CLASP2: variants seen among roughly 807,000 people sequenced by gnomAD.
CLASP2 encodes the protein CLIP-associating protein 2.
CLASP2 carries 47 observed loss-of-function variants against 194.4 expected under a neutral mutation model. The observed-to-expected ratio is 0.24, with a 90% CI of 0.19 to 0.31. CLASP2 has a LOEUF of 0.31. CLASP2 is among the 10% of genes least tolerant of loss of function. The probability of loss-of-function intolerance (pLI) is 1.00; values close to 1 mark genes in which losing one functional copy is unlikely to be tolerated. For missense variants in CLASP2, 1,445 were observed against 1,823.6 expected, an observed-to-expected ratio of 0.79 and a Z score of 3.78; for synonymous variants, 619 against 633.5, an observed-to-expected ratio of 0.98 and a Z score of 0.34.
At chr3:33,618,753 A>G (rs929366289) in intron 12 of CLASP2, among the ~76,000 whole-genome samples, 1 of 152,254 alleles carries the variant, frequency 6.6e-6, no homozygotes, top group Non-Finnish European at 1.5e-5. Flanking sequence ...GGCACAGAAT[A>G]GAAGTTTGGA....
At chr3:33,657,429 T>G (rs765724559) in intron 7 of CLASP2, among the ~76,000 whole-genome samples, 5 of 152,050 alleles carry the variant, frequency 3.3e-5, no homozygotes, top group Admixed American at 1.3e-4. Flanking sequence ...AATTAATATA[T>G]TCCTCAACAG....
At chr3:33,695,220 ATTTTTTT>A (rs762657276) in intron 2 of CLASP2, among the ~76,000 whole-genome samples, 7 of 103,840 alleles carry the variant, frequency 6.7e-5, no homozygotes, top group East Asian at 2.7e-4. Context: ...AAGCCTGCTA[ATTTTTTT>A]TTTTTTTTTT....
chr3:33,642,012 T>A (rs1374910395), intron 8 of CLASP2, among the ~76,000 whole-genome samples: 3 of 151,936 alleles, frequency 2.0e-5, no homozygotes, highest in Non-Finnish European at 4.4e-5. Context: ...AATAGAACAA[T>A]CTTCAAGTAT....
chr3:33,557,355 C>T (rs1306172032), intron 29 of CLASP2, among the ~76,000 whole-genome samples: 6 of 151,730 alleles, frequency 4.0e-5, no homozygotes, highest in Non-Finnish European at 7.4e-5. Flanking sequence ...CTACTTTTTT[C>T]TTTCTTTCCT....
rs371775145 is a variant in CLASP2, at chr3:33,510,570, T to G, written c.4305A>C (p.Pro1435=). 4.4e-5 allele frequency: 71 copies of G among 1,613,766 alleles called. No homozygotes were observed. The highest frequency in any genetic ancestry group is 3.3e-4 in the Middle Eastern group (2 of 6,084). The part of the protein sequence containing the change: ...TLNLLLPEIM[P]GLIQGYDNSE... The stretch of plus-strand genomic sequence containing the variant: ...CTTTGTTGCTTACCTGTATTAGACC[T>G]GGCATAATCTCTGGCAAAAGCAGGT... The change falls in exon 37 of 39, where the codon CCA becomes CCC. Residue 1435 remains proline (P), a synonymous_variant. Transcript: ENST00000682230.
intron 29 of CLASP2, among the ~76,000 whole-genome samples, chr3:33,552,050 T>C (rs751643378): frequency 3.3e-5 from 5 of 151,494 alleles, no homozygotes; most frequent in Non-Finnish European, 5.9e-5. Context: ...CAAAAATGAG[T>C]TATACAAGTA....
intron 12 of CLASP2, among the ~76,000 whole-genome samples, chr3:33,618,107 C>G (rs1215062891): frequency 6.6e-6 from 1 of 151,468 alleles, no homozygotes. Flanking sequence ...CGCCACCATG[C>G]CTGGCTAATT....
At chr3:33,517,254 G>A in intron 34 of CLASP2, 80 bp from the exon 35 acceptor site, 2 of 1,025,838 alleles carry the variant, frequency 1.9e-6, no homozygotes, top group South Asian at 1.9e-5. Context: ...TTTATATGAT[G>A]AAACACAGAT....
chr3:33,588,283 A>G (rs953694126), intron 21 of CLASP2, among the ~76,000 whole-genome samples: 10 of 152,106 alleles, frequency 6.6e-5, no homozygotes, highest in African/African-American at 2.4e-4. Flanking sequence ...CACCAACGCT[A>G]ATTATTTCTT....
chr3:33,499,192 G>A (rs976444972), intron 38 of CLASP2, among the ~76,000 whole-genome samples: 1 of 152,008 alleles, frequency 6.6e-6, no homozygotes, highest in Non-Finnish European at 1.5e-5. Flanking sequence ...TGCCCGCTTC[G>A]CTCTGCAGCT....
At chr3:33,593,782 TG>T (rs2069454460) in intron 20 of CLASP2, among the ~76,000 whole-genome samples, 1 of 152,230 alleles carries the variant, frequency 6.6e-6, no homozygotes, top group African/African-American at 2.4e-5. Flanking sequence ...AATGAGAGTA[TG>T]TTAAGTATTT....
chr3:33,571,357 G>A lies in CLASP2; in HGVS notation c.2700-567C>T, dbSNP rs564842705. Among the ~76,000 whole-genome samples, 210 of 151,886 alleles carry A rather than the reference G, an allele frequency of 1.4e-3. 1 individual carries two copies. The highest frequency in any genetic ancestry group is 4.6e-3 in the African/African-American group (189 of 41,482). On this transcript the variant is annotated intron_variant, in intron 25 of 38. Coordinates refer to ENST00000682230, the MANE Select transcript of CLASP2 (RefSeq NM_001365631.1). ...CAAAACAGCTGCAATGGTCGGGCAC[G>A]GTGGTTCATGTCTGTAATCCCAGCA...
At position 33,584,772 on chromosome 3, in the gene CLASP2, A is replaced by G. The variant is rs1390253635; in HGVS notation, c.2217T>C (p.Ala739=). 6.2e-7 allele frequency: 1 copy of G among 1,610,056 alleles called. No individual in the cohort carries two copies. Among genetic ancestry groups the G allele is most frequent in the South Asian group, 1.1e-5 (1 of 90,484 alleles). ...TACCCACTGAAAGCCTAGATGGACT[A>G]GCCTCTCTGCTACAGCCCTGGCTCC... The part of the protein sequence containing the change: ...IPRSQGCSRE[A]SPSRLSVARS... The change falls in exon 22 of 39, where the codon GCT becomes GCC. Residue 739 remains alanine (A), a synonymous_variant. Coordinates refer to ENST00000682230, the MANE Select transcript of CLASP2 (RefSeq NM_001365631.1).
At chr3:33,653,688 TAGTCCAGC>T (rs1171357829) in intron 7 of CLASP2, among the ~76,000 whole-genome samples, 2 of 152,280 alleles carry the variant, frequency 1.3e-5, no homozygotes, top group Non-Finnish European at 2.9e-5. Flanking sequence ...ACACACATCT[TAGTCCAGC>T]AGGATAGCAG....
rs1201726149 is a variant in CLASP2 at position 33,511,921 on chromosome 3, G to A, written c.4111-1157C>T. On this transcript the variant is annotated intron_variant, in intron 36 of 38. Coordinates refer to ENST00000682230, the MANE Select transcript of CLASP2 (RefSeq NM_001365631.1). ...GTCAGGAAACAACAGGTGCTGGAGAGGATGTGGAGAAATAGGAACACTTTT... is the reference window on the plus strand; with the variant it reads ...GTCAGGAAACAACAGGTGCTGGAGAAGATGTGGAGAAATAGGAACACTTTT... Among the ~76,000 whole-genome samples the A allele has an allele frequency of 1.6e-3, 95 of 60,224 alleles. 10 individuals carry two copies. Among genetic ancestry groups the A allele is most frequent in the African/African-American group, 6.1e-3 (92 of 15,192 alleles). 39.5% of individuals were successfully genotyped at this position (60,224 alleles called of 152,430 possible). A position where few individuals can be genotyped will look rare whatever the true frequency, so the allele number is the denominator to read the frequency against.
intron 1 of CLASP2, among the ~76,000 whole-genome samples, chr3:33,712,783 C>T (rs1455556394): frequency 2.0e-5 from 3 of 151,848 alleles, no homozygotes; most frequent in Non-Finnish European, 2.9e-5. Context: ...GCCAACATGA[C>T]GAAACCCTGT....
chr3:33,634,125 C>G (rs1469339989), intron 8 of CLASP2, among the ~76,000 whole-genome samples: 2 of 152,072 alleles, frequency 1.3e-5, no homozygotes, highest in Non-Finnish European at 2.9e-5. Flanking sequence ...AAAGGAACAA[C>G]AATTTGAACA....
intron 18 of CLASP2, among the ~76,000 whole-genome samples, chr3:33,598,456 T>C (rs12493568): frequency 0.07 from 10,656 of 152,166 alleles, 467 homozygotes; most frequent in Admixed American, 0.1. Flanking sequence ...CCCTTCCACA[T>C]TCAAGACTAA....
intron 6 of CLASP2, among the ~76,000 whole-genome samples, chr3:33,682,104 C>T (rs1575556126): frequency 1.3e-5 from 2 of 152,150 alleles, no homozygotes; most frequent in Admixed American, 6.5e-5. Context: ...GAATCATGAG[C>T]CAAATAAACG....
Sources: gnomAD v4.1 joint callset for allele counts (sites outside exome capture counted in the v4.1 genomes callset) on GRCh38, gnomAD v4.1.1 for gene constraint, MANE v1.5 for transcripts, NCBI Gene and HGNC (gene_info 2026-07-23, HGNC 2026-07-21) for gene names.